FCHSD2: variants seen among roughly 807,000 people sequenced by gnomAD.
The protein encoded by FCHSD2 is F-BAR and double SH3 domains protein 2.
FCHSD2 carries 38 observed loss-of-function variants against 108.1 expected under a neutral mutation model. The observed-to-expected ratio is 0.35, with a 90% CI of 0.27 to 0.46. The LOEUF (loss-of-function observed/expected upper bound fraction) is 0.46. Ranked by LOEUF, FCHSD2 falls within the 20% of genes least tolerant of loss-of-function variation. FCHSD2 has a pLI of 1.00. For synonymous variants in FCHSD2, 279 were observed against 314.7 expected (o/e 0.89, Z 1.20); for missense variants, 751 against 897.8 (o/e 0.84, Z 2.09).
At chr11:73,026,870 C>T (rs543684419) in intron 3 of FCHSD2, among the ~76,000 whole-genome samples, 1 of 152,268 alleles carries the variant, frequency 6.6e-6, no homozygotes, top group South Asian at 2.1e-4. Flanking sequence ...CTCTCTCCTG[C>T]GACCATGTAA....
At chr11:72,990,395 A>G (rs1857388843) in intron 5 of FCHSD2, among the ~76,000 whole-genome samples, 1 of 152,204 alleles carries the variant, frequency 6.6e-6, no homozygotes, top group African/African-American at 2.4e-5. Flanking sequence ...AAATCAACAG[A>G]ATATACATTC....
chr11:72,950,853 T>C (rs1184665465), intron 8 of FCHSD2, among the ~76,000 whole-genome samples: 1 of 152,204 alleles, frequency 6.6e-6, no homozygotes, highest in Non-Finnish European at 1.5e-5. Context: ...CCTGGGCACA[T>C]GCTGTGGGAC....
intron 3 of FCHSD2, among the ~76,000 whole-genome samples, chr11:73,063,499 G>A (rs1859215792): frequency 6.6e-6 from 1 of 152,082 alleles, no homozygotes; most frequent in African/African-American, 2.4e-5. Context: ...CTGGCAAATT[G>A]GATAAAGAGT....
chr11:72,885,420 T>C (rs937021774), intron 12 of FCHSD2, among the ~76,000 whole-genome samples: 2 of 152,204 alleles, frequency 1.3e-5, no homozygotes, highest in Non-Finnish European at 1.5e-5. Flanking sequence ...TATGAGAATT[T>C]CACTTCATAT....
At chr11:73,135,664 T>C (rs1241241966) in intron 2 of FCHSD2, among the ~76,000 whole-genome samples, 1 of 152,100 alleles carries the variant, frequency 6.6e-6, no homozygotes, top group African/African-American at 2.4e-5. Flanking sequence ...AGGAAACACA[T>C]CAGTATAAAA....
chr11:73,111,441 G>A (rs1274139620), intron 2 of FCHSD2, among the ~76,000 whole-genome samples: 1 of 148,858 alleles, frequency 6.7e-6, no homozygotes, highest in East Asian at 1.9e-4. Flanking sequence ...GCTTCCATTA[G>A]CATGGAATAT....
chr11:72,916,109 G>C (rs1855868330), intron 9 of FCHSD2, among the ~76,000 whole-genome samples: 1 of 151,972 alleles, frequency 6.6e-6, no homozygotes, highest in Admixed American at 6.6e-5. Flanking sequence ...ATAACTAATG[G>C]GTACTAGGCT....
Position 72,944,289 on chromosome 11 carries a change from C to T in FCHSD2, c.706-22339G>A, listed in dbSNP as rs554971816. 2.2e-4 allele frequency among the ~76,000 whole-genome samples: 33 copies of T among 152,224 alleles called. 1 individual carries two copies. In the South Asian group the frequency reaches 5.6e-3, roughly 26 times the overall value. Reference sequence around the variant, plus strand: ...TAATCCAGCATATAAACAGAACCAACGACAAAAACCATATGATTATCTCAA... The same window carrying T: ...TAATCCAGCATATAAACAGAACCAATGACAAAAACCATATGATTATCTCAA... On this transcript the variant is annotated intron_variant, in intron 8 of 19. Transcript: ENST00000409418.
intron 14 of FCHSD2, among the ~76,000 whole-genome samples, chr11:72,848,981 TA>T (rs1861216919): frequency 1.3e-5 from 2 of 152,196 alleles, no homozygotes; most frequent in South Asian, 4.1e-4. Flanking sequence ...ATTATGAATT[TA>T]AATATAAAAT....
chr11:72,846,128 C>T (rs1002106909), intron 14 of FCHSD2, among the ~76,000 whole-genome samples: 6 of 150,702 alleles, frequency 4.0e-5, no homozygotes, highest in African/African-American at 1.5e-4. Context: ...TGAGACTGAG[C>T]GCATATGTTT....
At chr11:72,885,826 T>C (rs1232287729) in intron 12 of FCHSD2, among the ~76,000 whole-genome samples, 1 of 152,166 alleles carries the variant, frequency 6.6e-6, no homozygotes, top group African/African-American at 2.4e-5. Flanking sequence ...GACATGACCC[T>C]GAATTCAAAG....
At chr11:73,059,813 C>T (rs1029831913) in intron 3 of FCHSD2, among the ~76,000 whole-genome samples, 3 of 151,950 alleles carry the variant, frequency 2.0e-5, no homozygotes, top group African/African-American at 4.8e-5. Context: ...TGAAAACCCA[C>T]GGTTAAGGAA....
chr11:72,935,424 G>A (rs1235074760), intron 8 of FCHSD2, among the ~76,000 whole-genome samples: 3 of 152,100 alleles, frequency 2.0e-5, no homozygotes, highest in East Asian at 3.8e-4. Flanking sequence ...AGAGCAACGG[G>A]CATTTCTAAA....
intron 3 of FCHSD2, among the ~76,000 whole-genome samples, chr11:73,070,285 C>T (rs1283587034): frequency 6.6e-6 from 1 of 152,152 alleles, no homozygotes; most frequent in East Asian, 1.9e-4. Context: ...TGCTCCTCAG[C>T]TTCATCTCAT....
At chr11:73,135,770 G>C (rs909258516) in intron 2 of FCHSD2, among the ~76,000 whole-genome samples, 1 of 152,048 alleles carries the variant, frequency 6.6e-6, no homozygotes, top group African/African-American at 2.4e-5. Context: ...AATGCCATTC[G>C]CAGAACAAAT....
At chr11:73,076,695 T>G (rs1859560581) in intron 3 of FCHSD2, among the ~76,000 whole-genome samples, 1 of 152,246 alleles carries the variant, frequency 6.6e-6, no homozygotes. Flanking sequence ...GTATGTAAAT[T>G]AAAAGTATAC....
At chr11:72,978,851 TTTC>T (rs1424368546) in intron 8 of FCHSD2, among the ~76,000 whole-genome samples, 6 of 122,924 alleles carry the variant, frequency 4.9e-5, no homozygotes, top group African/African-American at 1.2e-4. Flanking sequence ...CAGGTAGCTC[TTTC>T]TTTTTTTTTT....
At chr11:72,979,345 A>G (rs1418469364) in intron 8 of FCHSD2, among the ~76,000 whole-genome samples, 1 of 152,238 alleles carries the variant, frequency 6.6e-6, no homozygotes, top group African/African-American at 2.4e-5. Context: ...CAAAGATGGA[A>G]AATAAGAAAG....
At chr11:72,841,391 A>C in intron 18 of FCHSD2, 63 bp downstream of exon 18, 5 of 1,190,764 alleles carry the variant, frequency 4.2e-6, no homozygotes, top group East Asian at 2.9e-5. Context: ...TTTGCCCTTC[A>C]GGCGAATATG....
Sources: gnomAD v4.1 joint callset for allele counts (sites outside exome capture counted in the v4.1 genomes callset) on GRCh38, gnomAD v4.1.1 for gene constraint, MANE v1.5 for transcripts, NCBI Gene and HGNC (gene_info 2026-07-23, HGNC 2026-07-21) for gene names.